Variants in TDRD7 observed in about 807,000 individuals in gnomAD.
TDRD7 encodes the protein tudor domain-containing protein 7.
TDRD7 carries 47 observed loss-of-function variants against 109.8 expected under a neutral mutation model. That is an observed-to-expected ratio of 0.43 (90% CI 0.34 to 0.55). The LOEUF is 0.55. Ranked by LOEUF, TDRD7 falls within the 20% of genes least tolerant of loss-of-function variation. The pLI, the probability that TDRD7 is intolerant of heterozygous loss-of-function variation, is 0.03. For missense variants in TDRD7, 1,164 were observed against 1,319.2 expected, an observed-to-expected ratio of 0.88 and a Z score of 1.82; for synonymous variants, 424 against 457.3, an observed-to-expected ratio of 0.93 and a Z score of 0.93.
At chr9:97,494,739 C>T (rs530778110) in intron 16 of TDRD7, among the ~76,000 whole-genome samples, 25 of 143,572 alleles carry the variant, frequency 1.7e-4, no homozygotes, top group African/African-American at 5.8e-4. Context: ...GAGGGTCTCA[C>T]TTTGTCACCC....
intron 6 of TDRD7, among the ~76,000 whole-genome samples, chr9:97,452,086 T>A (rs1460574281): frequency 6.6e-6 from 1 of 152,240 alleles, no homozygotes; most frequent in Non-Finnish European, 1.5e-5. Flanking sequence ...TGGCAGCTCA[T>A]GCTTGTAATC....
rs1430256246 is a variant in TDRD7 at position 97,432,009 on chromosome 9, A to G, written c.350-16A>G. On this transcript the variant is annotated splice_polypyrimidine_tract_variant and intron_variant, in intron 3 of 16. Coordinates refer to ENST00000355295, the MANE Select transcript of TDRD7 (RefSeq NM_014290.3). ...GGGATGCTAATTGATTTCGTTATGT[A>G]TGCCTAACTTCATAGGAAAACCAAA... 8 of 1,612,212 alleles carry G rather than the reference A, an allele frequency of 5.0e-6. No homozygotes were observed. Among genetic ancestry groups the G allele is most frequent in the East Asian group, 2.2e-5 (1 of 44,880 alleles).
intron 1 of TDRD7, among the ~76,000 whole-genome samples, chr9:97,416,308 G>A (rs1827809422): frequency 6.6e-6 from 1 of 152,172 alleles, no homozygotes; most frequent in Non-Finnish European, 1.5e-5. Flanking sequence ...TCAAGTATGA[G>A]GCCATTTTTT....
intron 13 of TDRD7, chr9:97,480,353 G>T (rs1487950438): frequency 4.9e-6 from 1 of 205,118 alleles, no homozygotes; most frequent in African/African-American, 2.3e-5. Context: ...AAACAAATGT[G>T]CCTGGTACCC....
In TDRD7 at chr9:97,441,688, A is replaced by T. The variant is rs754640304; in HGVS notation, c.668A>T (p.Asn223Ile). Residue 223 changes from asparagine to isoleucine, a missense_variant, in exon 6 of 17, where the codon AAT becomes ATT. By Grantham distance (149) the Asn-to-Ile change is moderately radical. This residue lies in a region of TDRD7 where 407 missense variants were observed against 394.0 expected (regional missense o/e 1.03). Transcript: ENST00000355295. ...TTAAATCAGACTGTTGAAAAACCCA[A>T]TGTCAAGCCTCCTGCCTCTTACACT... is the stretch of plus-strand genomic sequence containing the variant. ...DNLNQTVEKP[N>I]VKPPASYTYK... is the part of the protein sequence containing the mutation. 1.2e-6 allele frequency: 2 copies of T among 1,612,448 alleles called. No homozygotes were observed. Among genetic ancestry groups the T allele is most frequent in the East Asian group, 2.2e-5 (1 of 44,794 alleles).
chr9:97,479,531 T>C (rs1298296794), intron 13 of TDRD7, among the ~76,000 whole-genome samples: 1 of 152,224 alleles, frequency 6.6e-6, no homozygotes, highest in Non-Finnish European at 1.5e-5. Flanking sequence ...ACCTGTATGC[T>C]ACGGCATTAA....
chr9:97,416,269 A>C (rs2118195624), intron 1 of TDRD7, among the ~76,000 whole-genome samples: 1 of 152,364 alleles, frequency 6.6e-6, no homozygotes, highest in Middle Eastern at 3.4e-3. Context: ...GATTGCAACC[A>C]TGTGGTCAAG....
chr9:97,439,913 A>G (rs1163915276), intron 5 of TDRD7, among the ~76,000 whole-genome samples: 1 of 152,184 alleles, frequency 6.6e-6, no homozygotes, highest in Non-Finnish European at 1.5e-5. Flanking sequence ...TCTCCAACCA[A>G]TGTGTAAATC....
Position 97,483,056 on chromosome 9 carries a change from G to A in TDRD7, c.2620G>A (p.Gly874Arg), listed in dbSNP as rs1435336995. The A allele has an allele frequency of 1.2e-6, 2 of 1,614,142 alleles. No individual in the cohort carries two copies. The highest frequency in any genetic ancestry group is 1.7e-6 in the Non-Finnish European group (2 of 1,180,022). Reference sequence around the variant, plus strand: ...CAACATGCCCATGTCGGGCAACACTGGAGAGAATTTCAGAAAGAACCTCAC... The same window carrying A: ...CAACATGCCCATGTCGGGCAACACTAGAGAGAATTTCAGAAAGAACCTCAC... ...NGNMPMSGNT[G>R]ENFRKNLTDV... Residue 874 changes from glycine (G) to arginine (R), a missense_variant, in exon 15 of 17, where the codon GGA becomes AGA. Around this residue, in one of 5 missense-constraint regions of TDRD7, gnomAD observed 233 missense variants for 218.0 expected, o/e 1.07. Transcript: ENST00000355295.
intron 9 of TDRD7, among the ~76,000 whole-genome samples, chr9:97,471,906 A>G (rs1052398174): frequency 1.3e-5 from 2 of 152,180 alleles, no homozygotes; most frequent in Non-Finnish European, 2.9e-5. Context: ...AAATAATTGT[A>G]TATATGTAGG....
At chr9:97,472,195 T>G in intron 9 of TDRD7, 98 bp from the exon 10 acceptor site, 2 of 1,121,154 alleles carry the variant, frequency 1.8e-6, no homozygotes, top group Non-Finnish European at 1.3e-6. Flanking sequence ...GCAGTAGGCT[T>G]ATAATTTTAA....
chr9:97,431,842 T>G (rs1016392233), intron 3 of TDRD7, among the ~76,000 whole-genome samples, 183 bp from the exon 4 acceptor site: 1 of 152,170 alleles, frequency 6.6e-6, no homozygotes, highest in Non-Finnish European at 1.5e-5. Flanking sequence ...GAACCTTATC[T>G]GCCAAATACT....
chr9:97,470,583 G>A lies in TDRD7; in HGVS notation c.1655G>A (p.Ser552Asn). The A allele has an allele frequency of 6.2e-7, 1 of 1,613,788 alleles. No homozygotes were observed. Among genetic ancestry groups the A allele is most frequent in the Non-Finnish European group, 8.5e-7 (1 of 1,179,850 alleles). ...GTATGCTATGTTGACTATGGTTTTA[G>A]TGAAAATGTTGAAAAAAGCAAAGCA... Reference protein sequence around the residue: ...IKVCYVDYGFSENVEKSKAYK... With the variant: ...IKVCYVDYGFNENVEKSKAYK... The change falls in exon 9 of 17, where the codon AGT becomes AAT. Residue 552 changes from serine to asparagine, a missense_variant. Around this residue, in one of 5 missense-constraint regions of TDRD7, gnomAD observed 261 missense variants for 336.2 expected, o/e 0.78. Coordinates refer to ENST00000355295, the MANE Select transcript of TDRD7 (RefSeq NM_014290.3).
At chr9:97,465,960 G>A (rs1038397797) in intron 8 of TDRD7, among the ~76,000 whole-genome samples, 3 of 152,258 alleles carry the variant, frequency 2.0e-5, no homozygotes, top group Non-Finnish European at 4.4e-5. Flanking sequence ...CACTTCTATA[G>A]TCCCTTGTAT....
chr9:97,483,364 ACAAAG>A lies in TDRD7; in HGVS notation c.2915+16_2915+20del. The A allele has an allele frequency of 6.2e-7, 1 of 1,612,668 alleles. No individual in the cohort carries two copies. The highest frequency in any genetic ancestry group is 8.5e-7 in the Non-Finnish European group (1 of 1,179,972). On this transcript the variant is annotated intron_variant, in intron 15 of 16. Coordinates refer to ENST00000355295, the MANE Select transcript of TDRD7 (RefSeq NM_014290.3). ...AAGTGGAAAATAAGTAGGTCCTTGG[ACAAAG>A]CATTTTATTCTACTCCTAAGAAAAA... is the stretch of plus-strand genomic sequence containing the variant.
At chr9:97,439,491 G>A (rs973492619) in intron 5 of TDRD7, among the ~76,000 whole-genome samples, 173 bp downstream of exon 5, 1 of 152,060 alleles carries the variant, frequency 6.6e-6, no homozygotes, top group Non-Finnish European at 1.5e-5. Flanking sequence ...AGAAAATGGT[G>A]CCTCCCAAAG....
At chr9:97,449,813 A>G (rs979430956) in intron 6 of TDRD7, among the ~76,000 whole-genome samples, 1 of 152,160 alleles carries the variant, frequency 6.6e-6, no homozygotes, top group African/African-American at 2.4e-5. Flanking sequence ...CTCAGTCAGT[A>G]TTAGCATAGA....
At chr9:97,474,923 T>G (rs1052969057) in intron 11 of TDRD7, among the ~76,000 whole-genome samples, 1 of 152,188 alleles carries the variant, frequency 6.6e-6, no homozygotes, top group Admixed American at 6.5e-5. Flanking sequence ...GGCACTGACA[T>G]ACATATTTGT....
At chr9:97,492,352 A>C (rs547417742) in intron 16 of TDRD7, among the ~76,000 whole-genome samples, 1 of 152,310 alleles carries the variant, frequency 6.6e-6, no homozygotes, top group East Asian at 1.9e-4. Flanking sequence ...AGCTTAGTGA[A>C]GTTAAATATC....
Sources: allele counts gnomAD v4.1 joint callset (sites outside exome capture counted in the v4.1 genomes callset), GRCh38; gene constraint gnomAD v4.1.1; regional missense constraint gnomAD v4.1.1; transcripts MANE v1.5; gene names NCBI Gene and HGNC (gene_info 2026-07-23, HGNC 2026-07-21).